The following DNAJC6 variants were observed in gnomAD, a reference collection of about 807,000 sequenced individuals.
DNAJC6 encodes the protein DnaJ heat shock protein family (Hsp40) member C6.
A neutral mutation model predicts 110.0 loss-of-function variants in DNAJC6; 34 were observed. The observed-to-expected ratio is 0.31, with a 90% CI of 0.24 to 0.41. The LOEUF (loss-of-function observed/expected upper bound fraction) is 0.41, where lower values mean the gene tolerates loss of function less well. DNAJC6 is among the 10% of genes least tolerant of loss of function. The pLI is 1.00. For synonymous variants in DNAJC6, 406 were observed against 437.2 expected (o/e 0.93, Z 0.89); for missense variants, 1,031 against 1,207.8 (o/e 0.85, Z 2.17).
intron 13 of DNAJC6, among the ~76,000 whole-genome samples, chr1:65,395,707 A>G (rs1423554977): frequency 5.3e-5 from 8 of 152,194 alleles, no homozygotes; most frequent in African/African-American, 1.9e-4. Flanking sequence ...AATAATTTCA[A>G]TAGTGTCTTT....
chr1:65,411,926 G>A (rs1202764824), intron 18 of DNAJC6, among the ~76,000 whole-genome samples: 6 of 152,002 alleles, frequency 3.9e-5, no homozygotes, highest in East Asian at 3.9e-4. Context: ...AGCTGAGATC[G>A]CTCCACTGTA....
rs1447314280 is a variant in DNAJC6, at chr1:65,389,592, G to A, written c.1433G>A (p.Gly478Glu). 2 of 1,614,150 alleles carry A rather than the reference G, an allele frequency of 1.2e-6. No homozygotes were observed. Among genetic ancestry groups the A allele is most frequent in the Non-Finnish European group, 8.5e-7 (1 of 1,180,016 alleles). The change falls in exon 11 of 19, where the codon GGA becomes GAA. Residue 478 changes from glycine to glutamate, a missense_variant. Gly to Glu is a moderately conservative substitution (Grantham distance 98). Coordinates refer to ENST00000371069, the MANE Select transcript of DNAJC6 (RefSeq NM_001256864.2). ...CCTCCAGACAACCCCAGGCATTACG[G>A]ACAAAGTGGTTTCTTTGCCTCTCTC... Reference protein sequence around the residue: ...DIPPDNPRHYGQSGFFASLCW... With the variant: ...DIPPDNPRHYEQSGFFASLCW...
chr1:65,267,800 G>T (rs525104), intron 1 of DNAJC6, among the ~76,000 whole-genome samples: 121,910 of 151,938 alleles, frequency 0.8, 49,086 homozygotes, highest in East Asian at 1. Context: ...TCCAAGCCTA[G>T]TTCTTTGAGA....
At chr1:65,286,107 A>G (rs1474894910) in intron 1 of DNAJC6, among the ~76,000 whole-genome samples, 2 of 152,340 alleles carry the variant, frequency 1.3e-5, no homozygotes, top group African/African-American at 4.8e-5. Flanking sequence ...TGGAAGGTCA[A>G]TGAACATGTG....
At chr1:65,333,563 G>T (rs1645307801) in intron 1 of DNAJC6, among the ~76,000 whole-genome samples, 1 of 151,972 alleles carries the variant, frequency 6.6e-6, no homozygotes, top group African/African-American at 2.4e-5. Context: ...GACAGCATCG[G>T]GATTCCAACC....
At chr1:65,347,962 C>T (rs1366903987) in intron 1 of DNAJC6, among the ~76,000 whole-genome samples, 1 of 152,150 alleles carries the variant, frequency 6.6e-6, no homozygotes, top group African/African-American at 2.4e-5. Context: ...CAGAGAATGA[C>T]CAATGGCAAT....
rs2101598083 is a variant in DNAJC6, at chr1:65,384,318, C to G, written c.792C>G (p.Ser264=). The G allele has an allele frequency of 6.4e-7, 1 of 1,560,474 alleles. No homozygotes were observed. The highest frequency in any genetic ancestry group is 1.7e-4 in the Middle Eastern group (1 of 5,878). ...AKRPGIGLSP[S]HRRYLGYMCD... ...GACCAGGAATTGGACTTTCACCATC[C>G]CATAGGAGGTAAAGTAAGCTAGATG... The change falls in exon 6 of 19, where the codon TCC becomes TCG. Residue 264 remains serine, a synonymous_variant. Coordinates refer to ENST00000371069, the MANE Select transcript of DNAJC6 (RefSeq NM_001256864.2).
At chr1:65,301,167 A>G (rs1644974913) in intron 1 of DNAJC6, among the ~76,000 whole-genome samples, 1 of 152,208 alleles carries the variant, frequency 6.6e-6, no homozygotes. Context: ...CTACTTGTAA[A>G]ATGACAGATG....
intron 11 of DNAJC6, among the ~76,000 whole-genome samples, chr1:65,390,678 C>T (rs534931633): frequency 3.3e-5 from 5 of 152,332 alleles, no homozygotes; most frequent in African/African-American, 1.2e-4. Context: ...CCTGATTGAC[C>T]TTCCTCTGTT....
intron 1 of DNAJC6, among the ~76,000 whole-genome samples, chr1:65,330,886 T>C (rs879767646): frequency 9.2e-5 from 14 of 152,242 alleles, no homozygotes; most frequent in African/African-American, 1.4e-4. Context: ...TATTACTCTC[T>C]TCTTCGTCAT....
intron 4 of DNAJC6, among the ~76,000 whole-genome samples, chr1:65,368,099 T>G (rs1645666978): frequency 6.6e-6 from 1 of 152,288 alleles, no homozygotes; most frequent in South Asian, 2.1e-4. Flanking sequence ...GTTTTTGTTC[T>G]CAAGACACCT....
At chr1:65,337,096 A>G (rs1364641267) in intron 1 of DNAJC6, among the ~76,000 whole-genome samples, 5 of 151,060 alleles carry the variant, frequency 3.3e-5, no homozygotes, top group African/African-American at 4.9e-5. Context: ...CTGTGGTGTC[A>G]CTTAACCTGT....
At chr1:65,383,339 G>A (rs568271635) in intron 5 of DNAJC6, among the ~76,000 whole-genome samples, 35 of 152,020 alleles carry the variant, frequency 2.3e-4, no homozygotes, top group Admixed American at 1.1e-3. Context: ...TTTTCTTTTC[G>A]AAGAGTTGGG....
At chr1:65,359,676 C>T (rs1364997232) in intron 1 of DNAJC6, among the ~76,000 whole-genome samples, 1 of 152,188 alleles carries the variant, frequency 6.6e-6, no homozygotes, top group Non-Finnish European at 1.5e-5. Flanking sequence ...GCTCTGCATT[C>T]CTAAGAACAC....
At chr1:65,386,136 G>T (rs745438833) in intron 7 of DNAJC6, among the ~76,000 whole-genome samples, 1 of 152,172 alleles carries the variant, frequency 6.6e-6, no homozygotes, top group Admixed American at 6.5e-5. Context: ...AGCATAAGCT[G>T]TATACAGGAT....
At chr1:65,306,164 C>T (rs1447040698), upstream of DNAJC6, among the ~76,000 whole-genome samples, 3 of 151,228 alleles carry the variant, frequency 2.0e-5, no homozygotes, top group African/African-American at 7.3e-5. Context: ...TCTCCTGCCT[C>T]AGCCTCCTGA....
chr1:65,355,561 C>T (rs1645535413), intron 1 of DNAJC6, among the ~76,000 whole-genome samples: 1 of 152,176 alleles, frequency 6.6e-6, no homozygotes, highest in Middle Eastern at 3.2e-3. Flanking sequence ...GTAGCTTATA[C>T]CACGTGCCAC....
At chr1:65,328,156 G>T (rs1324547825) in intron 1 of DNAJC6, among the ~76,000 whole-genome samples, 1 of 152,144 alleles carries the variant, frequency 6.6e-6, no homozygotes, top group Non-Finnish European at 1.5e-5. Context: ...TTATTGTAAA[G>T]ATGTGTATTA....
At chr1:65,376,836 C>T (rs1645771201) in intron 4 of DNAJC6, among the ~76,000 whole-genome samples, 1 of 152,074 alleles carries the variant, frequency 6.6e-6, no homozygotes, top group African/African-American at 2.4e-5. Context: ...ATGGTGTGAT[C>T]TCAGTTCACT....
Sources: allele counts gnomAD v4.1 joint callset (sites outside exome capture counted in the v4.1 genomes callset), GRCh38; gene constraint gnomAD v4.1.1; transcripts MANE v1.5; gene names NCBI Gene and HGNC (gene_info 2026-07-23, HGNC 2026-07-21).